Variants in MRC1 observed in about 807,000 individuals in gnomAD.
MRC1 encodes mannose receptor C-type 1.
A neutral mutation model predicts 102.9 loss-of-function variants in MRC1; 62 were observed. That is an observed-to-expected ratio of 0.60 (90% CI 0.49 to 0.74). The LOEUF (loss-of-function observed/expected upper bound fraction) is 0.74, where lower values mean the gene tolerates loss of function less well. MRC1 is among the 30% of genes least tolerant of loss of function. The pLI is 0.00. For missense variants in MRC1, 1,237 were observed against 862.8 expected (o/e 1.43, Z -5.43); for synonymous variants, 457 against 298.4 (o/e 1.53, Z -5.48).
At position 17,832,509 on chromosome 10, in the gene MRC1, T is replaced by C. The variant is rs918990321; in HGVS notation, c.638-1166T>C. Among the ~76,000 whole-genome samples the C allele has an allele frequency of 2.8e-3, 417 of 148,848 alleles. 13 individuals are homozygous for C. Among genetic ancestry groups the C allele is most frequent in the African/African-American group, 9.0e-3 (357 of 39,464 alleles). ...GGCGGAGCTTGCAGTGAGCCGAGAT[T>C]GCACCACTGCACTCCAGCCTGGGCG... On this transcript the variant is annotated intron_variant, in intron 3 of 29. Coordinates refer to ENST00000569591, the MANE Select transcript of MRC1 (RefSeq NM_002438.4).
At chr10:17,820,777 G>C (rs1838383557) in intron 1 of MRC1, among the ~76,000 whole-genome samples, 1 of 152,116 alleles carries the variant, frequency 6.6e-6, no homozygotes. Flanking sequence ...TATGGCAAAA[G>C]TTTCAGAGTT....
intron 18 of MRC1, among the ~76,000 whole-genome samples, chr10:17,879,510 T>C (rs1337116896): frequency 6.6e-6 from 1 of 152,082 alleles, no homozygotes; most frequent in Non-Finnish European, 1.5e-5. Context: ...CCCACAACCA[T>C]GCCTGGCTAA....
chr10:17,823,667 C>A (rs1317201819), intron 2 of MRC1, among the ~76,000 whole-genome samples, 192 bp downstream of exon 2: 7 of 152,278 alleles, frequency 4.6e-5, no homozygotes, highest in Non-Finnish European at 1.0e-4. Context: ...ATTAAAAAGT[C>A]CTGAATGATA....
At chr10:17,834,760 T>C (rs996276044) in intron 4 of MRC1, among the ~76,000 whole-genome samples, 2,072 of 152,258 alleles carry the variant, frequency 0.014, 39 homozygotes, top group African/African-American at 0.047. Flanking sequence ...TTGTGAAGAC[T>C]AAAAGGGCTA....
chr10:17,868,485 A>C (rs1474331563), intron 12 of MRC1, among the ~76,000 whole-genome samples: 1 of 152,182 alleles, frequency 6.6e-6, no homozygotes. Flanking sequence ...TCCCTCCCTC[A>C]ATGTGGGGAT....
intron 9 of MRC1, among the ~76,000 whole-genome samples, chr10:17,859,226 T>G (rs1833142727): frequency 1.3e-5 from 2 of 152,362 alleles, no homozygotes; most frequent in Non-Finnish European, 1.5e-5. Context: ...CCAAGTCATC[T>G]CAAACATGCT....
chr10:17,834,619 G>A lies in MRC1; in HGVS notation c.802+780G>A, dbSNP rs1044269649. Among the ~76,000 whole-genome samples, 74 of 152,274 alleles carry A rather than the reference G, an allele frequency of 4.9e-4. 1 individual carries two copies. The highest frequency in any genetic ancestry group is 3.4e-3 in the Middle Eastern group (1 of 294). On this transcript the variant is annotated intron_variant, in intron 4 of 29. Transcript: ENST00000569591. ...AGTAGAGACGGGGTTTCACTAGGTT[G>A]GACAGGCTGGTCATGAACTCCTGGC... is the stretch of plus-strand genomic sequence containing the variant.
At chr10:17,822,752 G>A (rs954027626) in intron 1 of MRC1, among the ~76,000 whole-genome samples, 5 of 152,020 alleles carry the variant, frequency 3.3e-5, no homozygotes, top group Admixed American at 1.3e-4. Flanking sequence ...TGCCTTGTAT[G>A]TTCCACTCCT....
chr10:17,813,878 T>C (rs1838266046), intron 1 of MRC1, among the ~76,000 whole-genome samples: 1 of 151,830 alleles, frequency 6.6e-6, no homozygotes, highest in African/African-American at 2.4e-5. Flanking sequence ...TTGTGTTTTT[T>C]TGTAGAGATG....
chr10:17,812,798 C>G (rs1311336186), intron 1 of MRC1, among the ~76,000 whole-genome samples: 1 of 152,018 alleles, frequency 6.6e-6, no homozygotes, highest in Non-Finnish European at 1.5e-5. Flanking sequence ...GTCTTGAACT[C>G]CTGACCTCGT....
At position 17,880,784 on chromosome 10, in the gene MRC1, G is replaced by C. The variant is rs1308692214; in HGVS notation, c.2865+114G>C. ...CATTACTTTAGAAAATTTTTGGCAA[G>C]AATAGGTGAAAATTCGCGTGACAAA... On this transcript the variant is annotated intron_variant, in intron 20 of 29. Coordinates refer to ENST00000569591, the MANE Select transcript of MRC1 (RefSeq NM_002438.4). The C allele has an allele frequency of 3.9e-6, 3 of 759,548 alleles. No homozygotes were observed. The African/African-American group carries it at 5.2e-5, about 13-fold the overall frequency. The allele number at this position is 759,548 out of a possible 1,614,324, so 47.1% of individuals were successfully genotyped here.
intron 12 of MRC1, among the ~76,000 whole-genome samples, chr10:17,867,155 C>T (rs1457232675): frequency 1.4e-5 from 2 of 145,054 alleles, no homozygotes; most frequent in African/African-American, 5.1e-5. Flanking sequence ...CCCTCCCTTC[C>T]TCTGTTCCTT....
intron 18 of MRC1, 90 bp downstream of exon 18, chr10:17,878,057 C>A: frequency 2.5e-6 from 2 of 786,636 alleles, no homozygotes; most frequent in Non-Finnish European, 4.5e-6. Flanking sequence ...TTGTGGAATG[C>A]ATTTTTAAAA....
chr10:17,897,382 G>T (rs1833770322), intron 23 of MRC1, among the ~76,000 whole-genome samples: 1 of 152,148 alleles, frequency 6.6e-6, no homozygotes, highest in Non-Finnish European at 1.5e-5. Context: ...GATTTGGCTT[G>T]TAGGGGCTCC....
chr10:17,896,128 G>A (rs1475577487), intron 23 of MRC1, among the ~76,000 whole-genome samples: 6 of 152,240 alleles, frequency 3.9e-5, no homozygotes, highest in Admixed American at 3.9e-4. Context: ...GAGGGTTGAA[G>A]GTGGTGAGGG....
intron 17 of MRC1, among the ~76,000 whole-genome samples, chr10:17,875,710 G>C (rs1460514174): frequency 6.6e-6 from 1 of 152,148 alleles, no homozygotes; most frequent in African/African-American, 2.4e-5. Context: ...ATTGCAAATT[G>C]TGCCAATATT....
chr10:17,904,521 C>G (rs1470249415), intron 26 of MRC1, among the ~76,000 whole-genome samples: 1 of 152,152 alleles, frequency 6.6e-6, no homozygotes, highest in Non-Finnish European at 1.5e-5. Flanking sequence ...TTCTCTCTCA[C>G]AGATTTTAAG....
chr10:17,812,828 C>T lies in MRC1; in HGVS notation c.61+3302C>T, dbSNP rs1020492885. On this transcript the variant is annotated intron_variant, in intron 1 of 29. Transcript: ENST00000569591. ...CCTCGTGATCTGCCCACCTTAGCCT[C>T]CCAAAGTGCTGACATTACAGGCATG... Among the ~76,000 whole-genome samples, 190 of 152,228 alleles carry T rather than the reference C, an allele frequency of 1.2e-3. 3 individuals carry two copies. The highest frequency in any genetic ancestry group is 4.4e-3 in the African/African-American group (181 of 41,552).
chr10:17,828,303 G>T (rs1378625079), intron 3 of MRC1, among the ~76,000 whole-genome samples: 2 of 151,404 alleles, frequency 1.3e-5, no homozygotes, highest in East Asian at 1.9e-4. Flanking sequence ...GTCTCGATCT[G>T]CTAACCTCGT....
Sources: allele counts gnomAD v4.1 joint callset (sites outside exome capture counted in the v4.1 genomes callset), GRCh38; gene constraint gnomAD v4.1.1; transcripts MANE v1.5; gene names NCBI Gene and HGNC (gene_info 2026-07-23, HGNC 2026-07-21).